The following NTM variants were observed in gnomAD, a reference collection of about 807,000 sequenced individuals.
NTM encodes IgLON family member 2.
NTM carries 13 observed loss-of-function variants against 42.1 expected under a neutral mutation model. That is an observed-to-expected ratio of 0.31 (90% confidence interval 0.20 to 0.49). The LOEUF (loss-of-function observed/expected upper bound fraction) is 0.49. Among genes scored for constraint, NTM ranks in the 20% least tolerant of loss-of-function variants. The pLI is 0.99. For synonymous variants in NTM, 187 were observed against 179.2 expected (o/e 1.04, Z -0.35); for missense variants, 373 against 452.8 (o/e 0.82, Z 1.60).
intron 1 of NTM, among the ~76,000 whole-genome samples, chr11:131,448,667 C>T (rs1039599750): frequency 3.9e-5 from 6 of 152,342 alleles, no homozygotes; most frequent in African/African-American, 1.4e-4. Flanking sequence ...GAGACACCGA[C>T]CCTGTCCTTG....
intron 3 of NTM, among the ~76,000 whole-genome samples, chr11:132,190,878 T>G (rs2079200761): frequency 6.6e-6 from 1 of 152,156 alleles, no homozygotes; most frequent in Non-Finnish European, 1.5e-5. Flanking sequence ...AGGTATGGAT[T>G]GTGAATTTAA....
At chr11:132,283,264 C>A (rs764291767) in intron 4 of NTM, among the ~76,000 whole-genome samples, 8 of 152,102 alleles carry the variant, frequency 5.3e-5, no homozygotes, top group Non-Finnish European at 1.0e-4. Flanking sequence ...GGATTATAGG[C>A]ATGAGCCACC....
At chr11:131,979,149 C>T (rs1299436204) in intron 2 of NTM, among the ~76,000 whole-genome samples, 1 of 152,138 alleles carries the variant, frequency 6.6e-6, no homozygotes, top group Non-Finnish European at 1.5e-5. Context: ...TGTCTGTGGG[C>T]AGGGAGCAGT....
At chr11:131,899,064 T>C (rs2052730994) in intron 1 of NTM, among the ~76,000 whole-genome samples, 1 of 152,166 alleles carries the variant, frequency 6.6e-6, no homozygotes, top group Non-Finnish European at 1.5e-5. Context: ...AGACAGAGTT[T>C]AGAGACGTAT....
chr11:132,212,374 A>G (rs2083006684), intron 4 of NTM, among the ~76,000 whole-genome samples: 1 of 152,198 alleles, frequency 6.6e-6, no homozygotes, highest in African/African-American at 2.4e-5. Context: ...GTCCCTTGGA[A>G]ATTAATCTCT....
chr11:131,488,946 A>G (rs1954479388), intron 1 of NTM, among the ~76,000 whole-genome samples: 1 of 152,242 alleles, frequency 6.6e-6, no homozygotes, highest in Non-Finnish European at 1.5e-5. Flanking sequence ...CATCACAGTT[A>G]CTGGCCCATA....
At chr11:131,578,573 A>G (rs1233170793) in intron 1 of NTM, among the ~76,000 whole-genome samples, 2 of 152,208 alleles carry the variant, frequency 1.3e-5, no homozygotes, top group Admixed American at 1.3e-4. Context: ...GAATATATTC[A>G]TCATGAGGCC....
At chr11:131,824,388 G>C (rs183865029) in intron 1 of NTM, among the ~76,000 whole-genome samples, 2 of 152,282 alleles carry the variant, frequency 1.3e-5, no homozygotes, top group Admixed American at 1.3e-4. Context: ...GGAACATTAG[G>C]CTCAAAGAAG....
At chr11:131,444,225 A>AAAAAAAAAAC (rs1949857028) in intron 1 of NTM, among the ~76,000 whole-genome samples, 1 of 150,140 alleles carries the variant, frequency 6.7e-6, no homozygotes, top group Non-Finnish European at 1.5e-5. Flanking sequence ...AAAAAAAAAA[A>AAAAAAAAAAC]AAATAGAAGC....
At chr11:131,636,662 C>T (rs1189740482) in intron 1 of NTM, among the ~76,000 whole-genome samples, 1 of 152,202 alleles carries the variant, frequency 6.6e-6, no homozygotes, top group African/African-American at 2.4e-5. Context: ...CCAGAGCCCA[C>T]GGAAGGAGAA....
intron 1 of NTM, among the ~76,000 whole-genome samples, chr11:131,685,061 A>T (rs1035851950): frequency 1.3e-5 from 2 of 152,260 alleles, no homozygotes; most frequent in Non-Finnish European, 2.9e-5. Context: ...TGAGCTTTCT[A>T]GAAATTCTAA....
intron 1 of NTM, among the ~76,000 whole-genome samples, chr11:131,821,319 A>G (rs1053896856): frequency 6.6e-6 from 1 of 152,202 alleles, no homozygotes; most frequent in African/African-American, 2.4e-5. Context: ...ATCCTTAGTC[A>G]TGACCTGCTC....
intron 5 of NTM, among the ~76,000 whole-genome samples, chr11:132,308,047 G>A (rs1384736561): frequency 6.6e-6 from 1 of 152,250 alleles, no homozygotes; most frequent in African/African-American, 2.4e-5. Flanking sequence ...TAAAGTAACT[G>A]AAAATAATGC....
chr11:132,181,019 CAAGT>C lies in NTM; in HGVS notation c.401-30999_401-30996del, dbSNP rs372256922. On this transcript the variant is annotated intron_variant, in intron 3 of 8. Coordinates refer to ENST00000683400, the MANE Select transcript of NTM (RefSeq NM_001352005.2). ...CTTAAGGATCTCAGAATAAGTTATA[CAAGT>C]AAGACAAGTGATTGTGCTCAGGACA... Among the ~76,000 whole-genome samples the C allele has an allele frequency of 2.3e-3, 352 of 152,276 alleles. 2 individuals carry two copies. The highest frequency in any genetic ancestry group is 3.5e-3 in the Non-Finnish European group (241 of 68,024).
chr11:132,107,362 T>TC (rs1332235972), intron 2 of NTM, among the ~76,000 whole-genome samples: 1 of 142,524 alleles, frequency 7.0e-6, no homozygotes, highest in Non-Finnish European at 1.5e-5. Flanking sequence ...TTTTTTTTTT[T>TC]TTTTTTGAGA....
chr11:132,037,158 A>G (rs2076605847), intron 2 of NTM, among the ~76,000 whole-genome samples: 1 of 152,132 alleles, frequency 6.6e-6, no homozygotes, highest in African/African-American at 2.4e-5. Flanking sequence ...CCTCATGAAT[A>G]GATTAATGCT....
At chr11:132,313,092 GTTGCAGGAGT>G (rs2095326136) in intron 6 of NTM, among the ~76,000 whole-genome samples, 4 of 152,154 alleles carry the variant, frequency 2.6e-5, no homozygotes, top group Non-Finnish European at 5.9e-5. Flanking sequence ...GTTACTGTAA[GTTGCAGGAGT>G]GGAGAAATTA....
intron 1 of NTM, chr11:131,794,767 C>A (rs2091357569): frequency 3.0e-6 from 3 of 985,274 alleles, no homozygotes; most frequent in South Asian, 4.7e-5. Context: ...GAGCTCCACA[C>A]ACCATGTGAA....
chr11:132,131,551 G>T (rs1488121539), intron 2 of NTM, among the ~76,000 whole-genome samples: 1 of 152,136 alleles, frequency 6.6e-6, no homozygotes, highest in Admixed American at 6.5e-5. Flanking sequence ...GGGTGTGTGG[G>T]CGAGTAAGTA....
Sources: allele counts gnomAD v4.1 joint callset (sites outside exome capture counted in the v4.1 genomes callset), GRCh38; gene constraint gnomAD v4.1.1; transcripts MANE v1.5; gene names NCBI Gene and HGNC (gene_info 2026-07-23, HGNC 2026-07-21).